Variants in CELF4 observed in about 807,000 individuals in gnomAD.
CELF4 encodes CUGBP Elav-like family member 4.
A neutral mutation model predicts 59.9 loss-of-function variants in CELF4; 18 were observed. The observed-to-expected ratio is 0.30, with a 90% confidence interval of 0.21 to 0.45. CELF4 has a LOEUF of 0.45. Ranked by LOEUF, CELF4 falls within the 20% of genes least tolerant of loss-of-function variation. The probability of loss-of-function intolerance (pLI) is 1.00; values close to 1 mark genes in which losing one functional copy is unlikely to be tolerated. For missense variants in CELF4, 456 were observed against 689.0 expected, an observed-to-expected ratio of 0.66 and a Z score of 3.79; for synonymous variants, 261 against 267.1, an observed-to-expected ratio of 0.98 and a Z score of 0.22.
chr18:37,264,765 C>T lies in CELF4; in HGVS notation c.1166-8G>A. On this transcript the variant is annotated splice_polypyrimidine_tract_variant and splice_region_variant and intron_variant, in intron 9 of 12. Transcript: ENST00000420428. ...CAGCAGGGTAGGCAGCTGCTGGAGG[C>T]CCAAGACAAGAAGCAAGAGCCGGCG... 1 of 1,565,506 alleles carries T rather than the reference C, an allele frequency of 6.4e-7. No individual in the cohort carries two copies. Among genetic ancestry groups the T allele is most frequent in the Non-Finnish European group, 8.7e-7 (1 of 1,154,180 alleles).
chr18:37,535,059 G>T (rs962188668), intron 1 of CELF4, among the ~76,000 whole-genome samples: 23 of 152,218 alleles, frequency 1.5e-4, no homozygotes, highest in African/African-American at 5.3e-4. Flanking sequence ...GAAGCTGTCT[G>T]AAGGCATGGC....
At chr18:37,471,031 C>A (rs1293745264) in intron 2 of CELF4, among the ~76,000 whole-genome samples, 1 of 152,110 alleles carries the variant, frequency 6.6e-6, no homozygotes, top group Non-Finnish European at 1.5e-5. Context: ...GTAGCCTGCC[C>A]TGAATGGAGA....
intron 3 of CELF4, among the ~76,000 whole-genome samples, chr18:37,318,752 A>C (rs1472275108): frequency 6.6e-6 from 1 of 151,764 alleles, no homozygotes; most frequent in African/African-American, 2.4e-5. Context: ...TTGGAGTCAG[A>C]GAGCTATTGC....
intron 2 of CELF4, among the ~76,000 whole-genome samples, chr18:37,463,569 TG>T (rs1449660870): frequency 6.6e-6 from 1 of 152,202 alleles, no homozygotes; most frequent in Non-Finnish European, 1.5e-5. Context: ...CAGAAGTCTT[TG>T]GACCTGGGCC....
At position 37,485,603 on chromosome 18, in the gene CELF4, G is replaced by A; in HGVS notation, c.291C>T (p.Cys97=). The change falls in exon 2 of 13, where the codon TGC becomes TGT. Residue 97 remains cysteine (C), a synonymous_variant. Coordinates refer to ENST00000420428, the MANE Select transcript of CELF4 (RefSeq NM_020180.4). ...CACGCTCGCAGTAGGTGAGGAAGGC[G>A]CAGCCTGGGGAGGAAAGCAAGCGCC... is the stretch of plus-strand genomic sequence containing the variant. The part of the protein sequence containing the change: ...KDRFTGMHKG[C]AFLTYCERES... The A allele has an allele frequency of 3.4e-6, 5 of 1,451,468 alleles. No individual in the cohort carries two copies. Among genetic ancestry groups the A allele is most frequent in the South Asian group, 1.4e-5 (1 of 68,978 alleles). 89.9% of individuals were successfully genotyped at this position (1,451,468 alleles called of 1,614,324 possible).
At chr18:37,441,273 C>CTGTGTGTGTGTGTGTGTG (rs36008798) in intron 2 of CELF4, among the ~76,000 whole-genome samples, 10 of 143,424 alleles carry the variant, frequency 7.0e-5, no homozygotes, top group African/African-American at 2.6e-4. Flanking sequence ...CTCAACAATG[C>CTGTGTGTGTGTGTGTGTG]TGTGTGTGTG....
intron 2 of CELF4, among the ~76,000 whole-genome samples, chr18:37,341,865 A>G (rs1426099726): frequency 6.6e-6 from 1 of 152,196 alleles, no homozygotes; most frequent in Non-Finnish European, 1.5e-5. Context: ...TGATGCCATT[A>G]GGCTGAAGAT....
intron 2 of CELF4, among the ~76,000 whole-genome samples, chr18:37,480,516 C>T (rs1311595784): frequency 6.6e-6 from 1 of 152,188 alleles, no homozygotes; most frequent in African/African-American, 2.4e-5. Flanking sequence ...ATCATTTGCC[C>T]TTTATAATTT....
intron 3 of CELF4, among the ~76,000 whole-genome samples, chr18:37,281,362 A>G (rs1056543187): frequency 3.3e-5 from 5 of 152,240 alleles, no homozygotes; most frequent in Non-Finnish European, 4.4e-5. Context: ...TCAGCATTAA[A>G]CAATATTTCT....
intron 2 of CELF4, among the ~76,000 whole-genome samples, chr18:37,349,432 TAGGG>T (rs923427763): frequency 3.3e-5 from 5 of 152,118 alleles, no homozygotes; most frequent in Non-Finnish European, 5.9e-5. Flanking sequence ...GTAGCGGGTT[TAGGG>T]AGGAAGGAGG....
At chr18:37,456,949 C>T (rs945372437) in intron 2 of CELF4, among the ~76,000 whole-genome samples, 7 of 152,188 alleles carry the variant, frequency 4.6e-5, no homozygotes, top group Non-Finnish European at 1.0e-4. Context: ...CCTTCCTCAT[C>T]TTTGGATGGG....
At chr18:37,507,045 T>A (rs1465576609) in intron 1 of CELF4, among the ~76,000 whole-genome samples, 1 of 152,188 alleles carries the variant, frequency 6.6e-6, no homozygotes, top group East Asian at 1.9e-4. Flanking sequence ...AAGTCACAGT[T>A]GCCAGGAGGG....
At chr18:37,261,029 C>T (rs2074003352) in intron 10 of CELF4, among the ~76,000 whole-genome samples, 1 of 152,152 alleles carries the variant, frequency 6.6e-6, no homozygotes. Context: ...TGGTTCATGC[C>T]CTGTGAATGT....
intron 3 of CELF4, among the ~76,000 whole-genome samples, chr18:37,310,078 G>A (rs1177845314): frequency 6.6e-6 from 1 of 151,758 alleles, no homozygotes; most frequent in Non-Finnish European, 1.5e-5. Context: ...CCCATGGACT[G>A]GACTATAAAA....
At chr18:37,351,111 G>A (rs188853175) in intron 2 of CELF4, among the ~76,000 whole-genome samples, 121 of 152,222 alleles carry the variant, frequency 7.9e-4, no homozygotes, top group Non-Finnish European at 1.4e-3. Context: ...AGGTGCTGGT[G>A]GGGGAGAGGG....
At chr18:37,292,289 A>G (rs1055714011) in intron 3 of CELF4, among the ~76,000 whole-genome samples, 1 of 152,224 alleles carries the variant, frequency 6.6e-6, no homozygotes, top group African/African-American at 2.4e-5. Context: ...TGGATACTGC[A>G]TCAATTAGTT....
At position 37,446,052 on chromosome 18, in the gene CELF4, C is replaced by G. The variant is rs369438707; in HGVS notation, c.369+39473G>C. Among the ~76,000 whole-genome samples, 4 of 152,214 alleles carry G rather than the reference C, an allele frequency of 2.6e-5. No homozygotes were observed. In the East Asian group the frequency reaches 5.8e-4, roughly 22 times the overall value. ...GCGAGAGCCCGGACTTTGACCCAGG[C>G]TTTGTTAGCGCCATCCTCCCCTCAT... On this transcript the variant is annotated intron_variant, in intron 2 of 12. Transcript: ENST00000420428.
intron 3 of CELF4, among the ~76,000 whole-genome samples, chr18:37,307,897 G>A (rs1422060346): frequency 6.6e-6 from 1 of 152,198 alleles, no homozygotes; most frequent in African/African-American, 2.4e-5. Context: ...GGTGTACCGT[G>A]ACGAAAGCTC....
intron 1 of CELF4, among the ~76,000 whole-genome samples, chr18:37,504,677 C>T (rs771268488): frequency 6.6e-6 from 1 of 152,086 alleles, no homozygotes; most frequent in Non-Finnish European, 1.5e-5. Context: ...CAGTCACCAC[C>T]AGCACAATGA....
Sources: gnomAD v4.1 joint callset for allele counts (sites outside exome capture counted in the v4.1 genomes callset) on GRCh38, gnomAD v4.1.1 for gene constraint, MANE v1.5 for transcripts, NCBI Gene and HGNC (gene_info 2026-07-23, HGNC 2026-07-21) for gene names.